The following FXN variants were observed in gnomAD, a reference collection of about 807,000 sequenced individuals.
FXN encodes the protein frataxin, mitochondrial.
In FXN, 14 loss-of-function variants were observed where a neutral mutation model predicts 22.4. The observed-to-expected ratio is 0.62, with a 90% CI of 0.41 to 0.98. The LOEUF (loss-of-function observed/expected upper bound fraction) is 0.98. Among genes scored for constraint, FXN ranks in the 50% least tolerant of loss-of-function variants. The pLI, the probability that FXN is intolerant of heterozygous loss-of-function variation, is 0.00. For synonymous variants in FXN, 120 were observed against 114.1 expected (o/e 1.05, Z -0.33); for missense variants, 267 against 268.4 (o/e 0.99, Z 0.04).
chr9:69,073,540 C>A lies in FXN; in HGVS notation c.*778C>A. The A allele has an allele frequency of 1.0e-6, 1 of 985,370 alleles. No individual in the cohort carries two copies. The highest frequency in any genetic ancestry group is 1.2e-6 in the Non-Finnish European group (1 of 829,940). The allele number at this position is 985,370 out of a possible 1,614,324, so 61.0% of individuals were successfully genotyped here. ...AGTGATGTAGCGTAACAAACAAAAT[C>A]ATGGAGCTGAGGAGGTGCCTTGTAA... On this transcript the variant is annotated 3_prime_UTR_variant, in exon 5 of 5. Coordinates refer to ENST00000484259, the MANE Select transcript of FXN (RefSeq NM_000144.5).
intron 3 of FXN, among the ~76,000 whole-genome samples, chr9:69,053,891 G>A (rs958005924): frequency 4.6e-5 from 7 of 152,214 alleles, no homozygotes; most frequent in African/African-American, 9.7e-5. Context: ...ATTCTAATGT[G>A]TATCCCTAGG....
At chr9:69,067,065 G>T (rs1832179973) in intron 4 of FXN, among the ~76,000 whole-genome samples, 1 of 152,202 alleles carries the variant, frequency 6.6e-6, no homozygotes, top group African/African-American at 2.4e-5. Context: ...GCAGAGAAGC[G>T]GGCCCTGAGG....
chr9:69,075,938 C>T lies in FXN; in HGVS notation c.*3176C>T. 1 of 803,462 alleles carries T rather than the reference C, an allele frequency of 1.2e-6. No homozygotes were observed. 49.8% of individuals were successfully genotyped at this position (803,462 alleles called of 1,614,324 possible). A position where few individuals can be genotyped will look rare whatever the true frequency, so the allele number is the denominator to read the frequency against. The stretch of plus-strand genomic sequence containing the variant: ...CAGGCTGGTCTCTAACACTTAGGCT[C>T]AAGTGATCCACCTGCCTCGTCCTCC... On this transcript the variant is annotated 3_prime_UTR_variant, in exon 5 of 5. Coordinates refer to ENST00000484259, the MANE Select transcript of FXN (RefSeq NM_000144.5).
chr9:69,072,622 C>G lies in FXN; in HGVS notation c.493C>G (p.Arg165Gly). The stretch of plus-strand genomic sequence containing the variant: ...TGTTTTGTCTTCCAGTGGACCTAAG[C>G]GTTATGACTGGACTGGGAAAAACTG... ...WLSSPSSGPKRYDWTGKNWVY... is the reference protein window; with the variant it reads ...WLSSPSSGPKGYDWTGKNWVY... The change falls in exon 5 of 5, where the codon CGT becomes GGT. Residue 165 changes from arginine (R) to glycine (G), a missense_variant. By Grantham distance (125) the Arg-to-Gly change is moderately radical (BLOSUM62 -2). Transcript: ENST00000484259. The G allele has an allele frequency of 1.9e-6, 3 of 1,614,078 alleles. No individual in the cohort carries two copies. The highest frequency in any genetic ancestry group is 2.5e-6 in the Non-Finnish European group (3 of 1,180,008).
Position 69,074,376 on chromosome 9 carries a change from G to A in FXN, c.*1614G>A, listed in dbSNP as rs1349172141. 1.0e-6 allele frequency: 1 copy of A among 984,848 alleles called. No individual in the cohort carries two copies. Among genetic ancestry groups the A allele is most frequent in the Admixed American group, 6.2e-5 (1 of 16,228 alleles). 61.0% of individuals were successfully genotyped at this position (984,848 alleles called of 1,614,324 possible). On this transcript the variant is annotated 3_prime_UTR_variant, in exon 5 of 5. Coordinates refer to ENST00000484259, the MANE Select transcript of FXN (RefSeq NM_000144.5). The stretch of plus-strand genomic sequence containing the variant: ...TATATTATTTTCTTACTTAAAGAAG[G>A]ATTTATTAGTGGCTGGGCATGGTGG...
rs1482554494 is a variant in FXN, at chr9:69,075,397, T to C, written c.*2635T>C. The C allele has an allele frequency of 3.7e-5, 28 of 763,432 alleles. No individual in the cohort carries two copies. The highest frequency in any genetic ancestry group is 4.3e-5 in the Non-Finnish European group (27 of 628,864). The allele number at this position is 763,432 out of a possible 1,614,324, so 47.3% of individuals were successfully genotyped here. On this transcript the variant is annotated 3_prime_UTR_variant, in exon 5 of 5. Transcript: ENST00000484259. ...ATCGCTGTAACCTGGGGGGTGGAGG[T>C]TGCAGTGAGACGAGATCATGCCACT...
Position 69,075,820 on chromosome 9 carries a change from T to G in FXN, c.*3058T>G, listed in dbSNP as rs1832355956. On this transcript the variant is annotated 3_prime_UTR_variant, in exon 5 of 5. Transcript: ENST00000484259. The stretch of plus-strand genomic sequence containing the variant: ...ATCAAAGCTCATGGCAGCCTCGACC[T>G]CCCTGGGCTTGGGCAATCCTCCCAC... The G allele has an allele frequency of 2.9e-6, 2 of 687,010 alleles. No homozygotes were observed. The highest frequency in any genetic ancestry group is 3.6e-6 in the Non-Finnish European group (2 of 558,028). 42.6% of individuals were successfully genotyped at this position (687,010 alleles called of 1,614,324 possible).
At chr9:69,070,481 A>G (rs1416388216) in intron 4 of FXN, among the ~76,000 whole-genome samples, 1 of 152,184 alleles carries the variant, frequency 6.6e-6, no homozygotes. Flanking sequence ...TAACGATGCG[A>G]GGGCTTGGAT....
chr9:69,064,378 A>G (rs1832130694), intron 3 of FXN, among the ~76,000 whole-genome samples: 1 of 152,246 alleles, frequency 6.6e-6, no homozygotes, highest in Admixed American at 6.5e-5. Context: ...GAGTCTGGAA[A>G]TAAAAAACTT....
chr9:69,070,212 CAG>C (rs1832249361), intron 4 of FXN, among the ~76,000 whole-genome samples: 2 of 148,248 alleles, frequency 1.3e-5, no homozygotes, highest in South Asian at 4.3e-4. Flanking sequence ...CTGGGTGACA[CAG>C]TGAGACCCCA....
chr9:69,046,270 A>G (rs1162430012), intron 1 of FXN, 115 bp from the exon 2 acceptor site: 4 of 767,656 alleles, frequency 5.2e-6, no homozygotes, highest in Non-Finnish European at 9.1e-6. Flanking sequence ...TCTTAGAAAA[A>G]ATGGAGCACT....
At chr9:69,036,994 A>C (rs1831561679) in intron 1 of FXN, among the ~76,000 whole-genome samples, 1 of 152,132 alleles carries the variant, frequency 6.6e-6, no homozygotes, top group Non-Finnish European at 1.5e-5. Context: ...GAGGCAGGCC[A>C]CGTCCAAGCC....
intron 3 of FXN, among the ~76,000 whole-genome samples, chr9:69,060,887 C>T (rs1039989895): frequency 2.6e-5 from 4 of 152,162 alleles, no homozygotes; most frequent in Non-Finnish European, 5.9e-5. Context: ...GACAGATCTC[C>T]TGCTGCTAAG....
intron 3 of FXN, among the ~76,000 whole-genome samples, chr9:69,056,823 A>G (rs76071744): frequency 6.6e-6 from 1 of 150,814 alleles, no homozygotes; most frequent in African/African-American, 2.4e-5. Flanking sequence ...GCTCATCGCA[A>G]CCTCCACCTC....
intron 1 of FXN, among the ~76,000 whole-genome samples, chr9:69,044,278 A>C (rs1831707829): frequency 6.6e-6 from 1 of 152,192 alleles, no homozygotes; most frequent in Admixed American, 6.5e-5. Context: ...ATTTACATAA[A>C]GGCTGAGAGC....
intron 1 of FXN, among the ~76,000 whole-genome samples, chr9:69,042,502 A>G (rs886838988): frequency 5.9e-5 from 9 of 152,208 alleles, no homozygotes; most frequent in African/African-American, 1.9e-4. Context: ...TGAGGTTCCA[A>G]AAGGTTTAGC....
intron 4 of FXN, among the ~76,000 whole-genome samples, chr9:69,070,598 C>T (rs9411182): frequency 0.12 from 17,911 of 152,260 alleles, 1,229 homozygotes; most frequent in African/African-American, 0.18. Flanking sequence ...GCACTTTTGA[C>T]TGATCTCTTG....
At position 69,072,819 on chromosome 9, in the gene FXN, T is replaced by C; in HGVS notation, c.*57T>C. The stretch of plus-strand genomic sequence containing the variant: ...TATCAGGCCAAGACCCCAGCTTCAT[T>C]ATGCAGCTGAGGTCTGTTTTTTGTT... On this transcript the variant is annotated 3_prime_UTR_variant, in exon 5 of 5. Transcript: ENST00000484259. 1.2e-6 allele frequency: 2 copies of C among 1,611,754 alleles called. No individual in the cohort carries two copies. The highest frequency in any genetic ancestry group is 1.7e-6 in the Non-Finnish European group (2 of 1,179,742).
intron 1 of FXN, among the ~76,000 whole-genome samples, chr9:69,045,703 T>C (rs1228619176): frequency 1.3e-5 from 2 of 152,112 alleles, no homozygotes; most frequent in African/African-American, 4.8e-5. Flanking sequence ...CAAGGCCTGG[T>C]ACCAAAAAAA....
Sources: gnomAD v4.1 joint callset for allele counts (sites outside exome capture counted in the v4.1 genomes callset) on GRCh38, gnomAD v4.1.1 for gene constraint, MANE v1.5 for transcripts, NCBI Gene and HGNC (gene_info 2026-07-23, HGNC 2026-07-21) for gene names.